The following LRFN5 variants were observed in gnomAD, a reference collection of about 807,000 sequenced individuals.
LRFN5 encodes leucine-rich repeat and fibronectin type-III domain-containing protein 5.
Under a neutral mutation model 45.6 loss-of-function variants are expected in LRFN5, and 24 were observed. The ratio of observed to expected loss-of-function variants is 0.53; its 90% CI spans 0.38 to 0.74. The LOEUF is 0.74. Among genes scored for constraint, LRFN5 ranks in the 30% least tolerant of loss-of-function variants. LRFN5 has a pLI of 0.00. For synonymous variants in LRFN5, 340 were observed against 313.8 expected, an observed-to-expected ratio of 1.08 and a Z score of -0.88; for missense variants, 776 against 861.5, an observed-to-expected ratio of 0.90 and a Z score of 1.24.
chr14:41,867,352 C>CTGTG (rs140178887), intron 2 of LRFN5, among the ~76,000 whole-genome samples: 2,777 of 151,314 alleles, frequency 0.018, 47 homozygotes, highest in South Asian at 0.06. Context: ...ATGCACACAT[C>CTGTG]TGTGTGTGTG....
intron 2 of LRFN5, among the ~76,000 whole-genome samples, chr14:41,804,720 C>G (rs1465266486): frequency 6.6e-6 from 1 of 152,150 alleles, no homozygotes; most frequent in Non-Finnish European, 1.5e-5. Context: ...TAGATCAGAT[C>G]TCTTTCACTG....
At chr14:41,616,128 C>T (rs1210392108) in intron 1 of LRFN5, among the ~76,000 whole-genome samples, 1 of 151,998 alleles carries the variant, frequency 6.6e-6, no homozygotes, top group African/African-American at 2.4e-5. Context: ...AAAATTCACT[C>T]ATACATTTTA....
Position 41,745,219 on chromosome 14 carries a change from GA to G in LRFN5, c.-196-21631del, listed in dbSNP as rs771132339. Among the ~76,000 whole-genome samples, 227 of 151,966 alleles carry G rather than the reference GA, an allele frequency of 1.5e-3. 1 individual carries two copies. Among genetic ancestry groups the G allele is most frequent in the Non-Finnish European group, 5.6e-4 (38 of 67,888 alleles). On this transcript the variant is annotated intron_variant, in intron 1 of 5. Coordinates refer to ENST00000298119, the MANE Select transcript of LRFN5 (RefSeq NM_152447.5). Reference sequence around the variant, plus strand: ...CAGAATAAAGTTAGAAATAACAAAAGAAAAGCTGAAAATACCGCAAATTTGT... The same window carrying G: ...CAGAATAAAGTTAGAAATAACAAAAGAAAGCTGAAAATACCGCAAATTTGT...
chr14:41,713,413 A>G (rs890258042), intron 1 of LRFN5, among the ~76,000 whole-genome samples: 1 of 152,092 alleles, frequency 6.6e-6, no homozygotes, highest in Non-Finnish European at 1.5e-5. Flanking sequence ...GATAAAGTAC[A>G]TCTAGTACAA....
chr14:41,844,798 C>G (rs1038562066), intron 2 of LRFN5, among the ~76,000 whole-genome samples: 1 of 152,070 alleles, frequency 6.6e-6, no homozygotes. Context: ...CAAGCCAGAA[C>G]AAGAATTCCA....
chr14:41,831,493 G>A (rs149682074), intron 2 of LRFN5, among the ~76,000 whole-genome samples: 2,344 of 152,004 alleles, frequency 0.015, 31 homozygotes, highest in Admixed American at 0.028. Flanking sequence ...TACACACAGC[G>A]TATGCTATAC....
chr14:41,765,802 G>A (rs1885862227), intron 1 of LRFN5, among the ~76,000 whole-genome samples: 1 of 152,122 alleles, frequency 6.6e-6, no homozygotes. Context: ...AATTGCACAA[G>A]TAATCTGTGC....
chr14:41,686,088 C>G (rs1424965612), intron 1 of LRFN5, among the ~76,000 whole-genome samples: 4 of 151,978 alleles, frequency 2.6e-5, no homozygotes, highest in African/African-American at 7.2e-5. Context: ...TTGATTCGTC[C>G]TAGACATGAG....
chr14:41,646,268 A>G (rs1879814908), intron 1 of LRFN5, among the ~76,000 whole-genome samples: 1 of 152,138 alleles, frequency 6.6e-6, no homozygotes, highest in Non-Finnish European at 1.5e-5. Flanking sequence ...TATCCCATTG[A>G]TTGGATGCTG....
At chr14:41,855,889 G>A (rs570668176) in intron 2 of LRFN5, among the ~76,000 whole-genome samples, 21 of 152,196 alleles carry the variant, frequency 1.4e-4, no homozygotes, top group African/African-American at 3.6e-4. Context: ...ATATGTCTAC[G>A]TTAGTATACA....
chr14:41,652,993 A>G (rs1880203290), intron 1 of LRFN5, among the ~76,000 whole-genome samples: 2 of 152,054 alleles, frequency 1.3e-5, no homozygotes, highest in Admixed American at 6.5e-5. Flanking sequence ...TCCTTTGCCT[A>G]CTTTTTAATG....
chr14:41,761,537 T>C (rs967439520), intron 1 of LRFN5, among the ~76,000 whole-genome samples: 3 of 152,078 alleles, frequency 2.0e-5, no homozygotes, highest in African/African-American at 7.2e-5. Context: ...GACAATAATG[T>C]TGTATTTTGT....
At chr14:41,626,501 G>A (rs1888337785) in intron 1 of LRFN5, among the ~76,000 whole-genome samples, 1 of 151,962 alleles carries the variant, frequency 6.6e-6, no homozygotes, top group Admixed American at 6.6e-5. Context: ...ATTTTATGGA[G>A]AGAGTACCTG....
At chr14:41,674,397 C>A (rs1258574205) in intron 1 of LRFN5, among the ~76,000 whole-genome samples, 1 of 138,784 alleles carries the variant, frequency 7.2e-6, no homozygotes, top group South Asian at 2.4e-4. Context: ...CCACCTCCCT[C>A]CCGGACGGGG....
intron 2 of LRFN5, among the ~76,000 whole-genome samples, chr14:41,867,381 T>C (rs1000657607): frequency 3.3e-5 from 5 of 152,096 alleles, no homozygotes; most frequent in Non-Finnish European, 7.4e-5. Flanking sequence ...GTTATGTGTG[T>C]GCATGGGTGC....
intron 1 of LRFN5, among the ~76,000 whole-genome samples, chr14:41,646,987 C>G (rs1257159510): frequency 6.6e-6 from 1 of 152,116 alleles, no homozygotes; most frequent in Non-Finnish European, 1.5e-5. Context: ...CTTTTGTTTT[C>G]CAGGAGTCTG....
At chr14:41,883,058 AG>A (rs1374960471) in intron 2 of LRFN5, among the ~76,000 whole-genome samples, 6 of 151,936 alleles carry the variant, frequency 3.9e-5, no homozygotes, top group African/African-American at 9.7e-5. Flanking sequence ...CGTATTGGCC[AG>A]GATGGTCTCG....
intron 1 of LRFN5, among the ~76,000 whole-genome samples, chr14:41,682,572 G>A (rs914445354): frequency 6.6e-6 from 1 of 151,814 alleles, no homozygotes; most frequent in African/African-American, 2.4e-5. Flanking sequence ...TATTTAGCTC[G>A]ACTGCATAAG....
intron 2 of LRFN5, among the ~76,000 whole-genome samples, chr14:41,822,853 GT>G (rs3032270): frequency 0.013 from 1,739 of 136,216 alleles, 28 homozygotes; most frequent in African/African-American, 0.034. Context: ...ATTTAGGGTT[GT>G]TTTTTTTTTT....
Sources: gnomAD v4.1 joint callset for allele counts (sites outside exome capture counted in the v4.1 genomes callset) on GRCh38, gnomAD v4.1.1 for gene constraint, MANE v1.5 for transcripts, NCBI Gene and HGNC (gene_info 2026-07-23, HGNC 2026-07-21) for gene names.